Variants in CTNNA2 observed in about 807,000 individuals in gnomAD.
CTNNA2 encodes the protein catenin alpha-2.
Under a neutral mutation model 101.0 loss-of-function variants are expected in CTNNA2, and 42 were observed. The ratio of observed to expected loss-of-function variants is 0.42; its 90% CI spans 0.32 to 0.54. CTNNA2 has a LOEUF of 0.54. CTNNA2 is among the 20% of genes least tolerant of loss of function. The probability of loss-of-function intolerance (pLI) is 0.14; values close to 1 mark genes in which losing one functional copy is unlikely to be tolerated. For missense variants in CTNNA2, 871 were observed against 1,223.1 expected, an observed-to-expected ratio of 0.71 and a Z score of 4.29; for synonymous variants, 450 against 456.4, an observed-to-expected ratio of 0.99 and a Z score of 0.18.
chr2:79,733,445 T>G (rs1687325924), intron 2 of CTNNA2, among the ~76,000 whole-genome samples: 1 of 152,016 alleles, frequency 6.6e-6, no homozygotes. Flanking sequence ...ATCTTCAATC[T>G]CCAGTTTATA....
At chr2:79,369,861 C>T (rs147083127) in intron 3 of CTNNA2, among the ~76,000 whole-genome samples, 19 of 152,286 alleles carry the variant, frequency 1.2e-4, no homozygotes, top group African/African-American at 4.6e-4. Context: ...CTTCAGTCCT[C>T]AGGGTTATTA....
At position 79,738,250 on chromosome 2, in the gene CTNNA2, C is replaced by T. The variant is rs186766364; in HGVS notation, c.103-6137C>T. ...CCTGGGACCATTATTAGATTAAGGT[C>T]GAAGGACCCTAGAACACTTACACTC... is the stretch of plus-strand genomic sequence containing the variant. On this transcript the variant is annotated intron_variant, in intron 2 of 18. Transcript: ENST00000402739. Among the ~76,000 whole-genome samples the T allele has an allele frequency of 1.1e-4, 16 of 152,228 alleles. No homozygotes were observed. In the East Asian group the frequency reaches 1.7e-3, roughly 17 times the overall value.
chr2:80,125,851 C>G (rs569009196), intron 7 of CTNNA2, among the ~76,000 whole-genome samples: 11 of 152,306 alleles, frequency 7.2e-5, no homozygotes, highest in African/African-American at 2.6e-4. Flanking sequence ...GATATCCACA[C>G]ACAGGCCAAT....
intron 16 of CTNNA2, among the ~76,000 whole-genome samples, chr2:80,604,950 C>A (rs1472355913): frequency 6.6e-6 from 1 of 151,892 alleles, no homozygotes; most frequent in Non-Finnish European, 1.5e-5. Context: ...AGAACTTCAC[C>A]TTTTCTTATT....
chr2:79,272,838 A>G (rs1006554930), intron 2 of CTNNA2, among the ~76,000 whole-genome samples: 1 of 152,096 alleles, frequency 6.6e-6, no homozygotes, highest in Non-Finnish European at 1.5e-5. Flanking sequence ...ATTTACATTT[A>G]TTGAGATAAC....
chr2:79,563,157 A>ATG (rs1421201430), intron 1 of CTNNA2, among the ~76,000 whole-genome samples: 2 of 57,470 alleles, frequency 3.5e-5, no homozygotes, highest in African/African-American at 1.1e-4. Context: ...AATAATAAAG[A>ATG]TGTGTATATA....
intron 2 of CTNNA2, among the ~76,000 whole-genome samples, chr2:79,681,353 A>G (rs1223925241): frequency 6.6e-6 from 1 of 152,196 alleles, no homozygotes; most frequent in Non-Finnish European, 1.5e-5. Context: ...CAGTGAGACC[A>G]CATCAGAACA....
At chr2:80,596,787 G>T (rs1009443452) in intron 15 of CTNNA2, among the ~76,000 whole-genome samples, 4 of 94,012 alleles carry the variant, frequency 4.3e-5, no homozygotes, top group East Asian at 2.9e-4. Context: ...TCTTGTGTCC[G>T]GTTTTCAAAG....
At chr2:79,209,322 TAG>T (rs1343218245) in intron 2 of CTNNA2, among the ~76,000 whole-genome samples, 1 of 152,242 alleles carries the variant, frequency 6.6e-6, no homozygotes, top group East Asian at 1.9e-4. Flanking sequence ...TATGACTGGA[TAG>T]ACAGGCAAAT....
intron 7 of CTNNA2, among the ~76,000 whole-genome samples, chr2:79,955,478 G>C (rs6745989): frequency 1.3e-5 from 2 of 152,090 alleles, no homozygotes; most frequent in Non-Finnish European, 2.9e-5. Context: ...AACAGGGGCA[G>C]TTGAAATGCA....
At chr2:80,491,280 A>G (rs1371732555) in intron 9 of CTNNA2, among the ~76,000 whole-genome samples, 1 of 152,160 alleles carries the variant, frequency 6.6e-6, no homozygotes, top group African/African-American at 2.4e-5. Context: ...GTTGTCTTGT[A>G]TAGTGACGTG....
chr2:80,444,142 T>G (rs907758347), intron 9 of CTNNA2, among the ~76,000 whole-genome samples: 7 of 152,186 alleles, frequency 4.6e-5, no homozygotes, highest in African/African-American at 1.4e-4. Context: ...ATAGATCAAA[T>G]GGGCTCTGAG....
chr2:79,728,682 T>G (rs1223098374), intron 2 of CTNNA2, among the ~76,000 whole-genome samples: 14 of 152,184 alleles, frequency 9.2e-5, no homozygotes, highest in Admixed American at 9.2e-4. Flanking sequence ...ATGCCTAGGT[T>G]TTCTTATAGG....
chr2:80,053,448 A>G (rs1478300183), intron 7 of CTNNA2, among the ~76,000 whole-genome samples: 1 of 152,250 alleles, frequency 6.6e-6, no homozygotes, highest in Admixed American at 6.5e-5. Flanking sequence ...CAAATGAGGA[A>G]AACTGAGACG....
chr2:79,701,363 C>A (rs554676212), intron 2 of CTNNA2, among the ~76,000 whole-genome samples: 5 of 152,216 alleles, frequency 3.3e-5, no homozygotes, highest in African/African-American at 1.2e-4. Flanking sequence ...CTAAACGGGA[C>A]CTTGCAGAAA....
At chr2:80,354,034 T>G (rs112282350) in intron 7 of CTNNA2, among the ~76,000 whole-genome samples, 105 of 152,046 alleles carry the variant, frequency 6.9e-4, no homozygotes, top group Non-Finnish European at 1.2e-3. Flanking sequence ...TGGAGGTAAA[T>G]GAGAGAACCA....
chr2:80,273,722 C>T (rs974169798), intron 7 of CTNNA2, among the ~76,000 whole-genome samples: 1 of 152,066 alleles, frequency 6.6e-6, no homozygotes, highest in African/African-American at 2.4e-5. Context: ...GTCTCCTCTG[C>T]TTGCAATAGG....
At chr2:79,840,667 G>T (rs2103838938) in intron 3 of CTNNA2, among the ~76,000 whole-genome samples, 1 of 152,122 alleles carries the variant, frequency 6.6e-6, no homozygotes, top group Non-Finnish European at 1.5e-5. Context: ...GGGTACAGTA[G>T]CTCACAAGCA....
chr2:80,496,812 G>A (rs1039878821), intron 9 of CTNNA2, among the ~76,000 whole-genome samples: 1 of 152,170 alleles, frequency 6.6e-6, no homozygotes, highest in African/African-American at 2.4e-5. Context: ...AAAGATGACT[G>A]CTTTTAAAAT....
Sources: gnomAD v4.1 joint callset for allele counts (sites outside exome capture counted in the v4.1 genomes callset) on GRCh38, gnomAD v4.1.1 for gene constraint, MANE v1.5 for transcripts, NCBI Gene and HGNC (gene_info 2026-07-23, HGNC 2026-07-21) for gene names.